Variants in NEGR1 observed in about 807,000 individuals in gnomAD.
NEGR1 encodes the protein IgLON family member 4.
A neutral mutation model predicts 40.9 loss-of-function variants in NEGR1; 10 were observed. That is an observed-to-expected ratio of 0.24 (90% confidence interval 0.15 to 0.42). The LOEUF is 0.42. Ranked by LOEUF, NEGR1 falls within the 10% of genes least tolerant of loss-of-function variation. NEGR1 has a pLI of 1.00. For missense variants in NEGR1, 352 were observed against 438.9 expected, an observed-to-expected ratio of 0.80 and a Z score of 1.77; for synonymous variants, 185 against 166.8, an observed-to-expected ratio of 1.11 and a Z score of -0.84.
At chr1:71,768,823 T>C (rs576557718) in intron 3 of NEGR1, among the ~76,000 whole-genome samples, 1 of 152,278 alleles carries the variant, frequency 6.6e-6, no homozygotes, top group South Asian at 2.1e-4. Flanking sequence ...TGATTTTTCA[T>C]AAATGGTTTA....
chr1:71,774,335 T>C (rs568292782), intron 3 of NEGR1, among the ~76,000 whole-genome samples: 47 of 152,316 alleles, frequency 3.1e-4, no homozygotes, highest in African/African-American at 1.1e-3. Flanking sequence ...TGCTCACATA[T>C]CAGTTTTATG....
At chr1:71,938,504 C>T (rs1438978425) in intron 1 of NEGR1, among the ~76,000 whole-genome samples, 1 of 147,124 alleles carries the variant, frequency 6.8e-6, no homozygotes, top group Admixed American at 6.9e-5. Context: ...TCTCCATCTA[C>T]ATTCTATTTT....
chr1:71,850,799 A>G (rs1570430596), intron 2 of NEGR1, among the ~76,000 whole-genome samples: 1 of 152,122 alleles, frequency 6.6e-6, no homozygotes, highest in East Asian at 1.9e-4. Flanking sequence ...ATTTTAAGGT[A>G]CCATTATCTA....
At chr1:71,656,161 A>G (rs995037029) in intron 4 of NEGR1, among the ~76,000 whole-genome samples, 2 of 152,122 alleles carry the variant, frequency 1.3e-5, no homozygotes, top group Non-Finnish European at 2.9e-5. Flanking sequence ...CCCACTTCCC[A>G]ATCTGCACTG....
chr1:72,246,732 T>A (rs1012675530), intron 1 of NEGR1, among the ~76,000 whole-genome samples: 4 of 152,206 alleles, frequency 2.6e-5, no homozygotes, highest in Non-Finnish European at 4.4e-5. Context: ...CACTAGGTAG[T>A]GGCCCACTGG....
chr1:71,978,628 G>C (rs113040025), intron 1 of NEGR1, among the ~76,000 whole-genome samples: 17,960 of 152,062 alleles, frequency 0.12, 1,101 homozygotes, highest in South Asian at 0.18. Context: ...CTGATCGTTA[G>C]AGAAATGCAA....
At chr1:72,209,917 C>A (rs1020815238) in intron 1 of NEGR1, among the ~76,000 whole-genome samples, 1 of 151,802 alleles carries the variant, frequency 6.6e-6, no homozygotes, top group Admixed American at 6.6e-5. Context: ...ACTATTATTT[C>A]AGGATATTTT....
intron 4 of NEGR1, among the ~76,000 whole-genome samples, chr1:71,675,126 T>TAC (rs1553157759): frequency 3.9e-5 from 3 of 77,820 alleles, no homozygotes; most frequent in African/African-American, 8.2e-5. Context: ...TATATATATA[T>TAC]ACACACACAC....
chr1:72,206,319 A>C (rs1247134151), intron 1 of NEGR1, among the ~76,000 whole-genome samples: 1 of 152,076 alleles, frequency 6.6e-6, no homozygotes, highest in African/African-American at 2.4e-5. Context: ...GTGAGAAGAA[A>C]ACACAAATAA....
intron 2 of NEGR1, among the ~76,000 whole-genome samples, chr1:71,860,200 A>T (rs981644945): frequency 2.2e-4 from 11 of 49,150 alleles, no homozygotes; most frequent in African/African-American, 1.0e-3. Flanking sequence ...TCATCATTTA[A>T]AAAAAAAAAA....
At chr1:72,108,573 G>A (rs1255253155) in intron 1 of NEGR1, among the ~76,000 whole-genome samples, 1 of 151,346 alleles carries the variant, frequency 6.6e-6, no homozygotes, top group Non-Finnish European at 1.5e-5. Flanking sequence ...TCATTGCAAT[G>A]GCATATGACT....
chr1:72,182,325 C>T (rs1280815749), intron 1 of NEGR1, among the ~76,000 whole-genome samples: 1 of 152,056 alleles, frequency 6.6e-6, no homozygotes, highest in African/African-American at 2.4e-5. Context: ...GAAACCCTGT[C>T]TCTACTGAAA....
intron 1 of NEGR1, among the ~76,000 whole-genome samples, chr1:72,221,774 T>A (rs1156594562): frequency 1.4e-5 from 2 of 145,556 alleles, no homozygotes; most frequent in African/African-American, 2.6e-5. Context: ...CTATAAATAG[T>A]TTTCTAAAGC....
chr1:71,868,430 T>TA (rs200491553), intron 2 of NEGR1, among the ~76,000 whole-genome samples: 4,996 of 136,440 alleles, frequency 0.037, 168 homozygotes, highest in African/African-American at 0.09. Flanking sequence ...AATAGATAGA[T>TA]GATAGAAGAT....
At chr1:71,733,473 C>T (rs941034035) in intron 3 of NEGR1, among the ~76,000 whole-genome samples, 9 of 152,186 alleles carry the variant, frequency 5.9e-5, no homozygotes, top group Non-Finnish European at 8.8e-5. Context: ...CAAATATTCT[C>T]TTATTTGCCA....
intron 1 of NEGR1, among the ~76,000 whole-genome samples, chr1:72,066,707 G>A (rs969629195): frequency 2.0e-5 from 3 of 152,068 alleles, no homozygotes; most frequent in Non-Finnish European, 4.4e-5. Context: ...CTAGGAAGAG[G>A]CCTCCGGAGA....
intron 6 of NEGR1, among the ~76,000 whole-genome samples, chr1:71,552,274 A>T (rs1648109397): frequency 6.6e-6 from 1 of 150,638 alleles, no homozygotes; most frequent in Admixed American, 6.6e-5. Flanking sequence ...TCCTTTAGTA[A>T]TTTTTCATCC....
chr1:72,138,378 G>A (rs976402147), intron 1 of NEGR1, among the ~76,000 whole-genome samples: 1 of 151,950 alleles, frequency 6.6e-6, no homozygotes, highest in Non-Finnish European at 1.5e-5. Context: ...AATTATATGA[G>A]TAATCACACT....
At chr1:72,033,119 AG>A (rs1183246295) in intron 1 of NEGR1, among the ~76,000 whole-genome samples, 10 of 152,214 alleles carry the variant, frequency 6.6e-5, no homozygotes, top group Admixed American at 1.3e-4. Flanking sequence ...TATAATAGCA[AG>A]AACACTTCTA....
Sources: gnomAD v4.1 joint callset for allele counts (sites outside exome capture counted in the v4.1 genomes callset) on GRCh38, gnomAD v4.1.1 for gene constraint, MANE v1.5 for transcripts, NCBI Gene and HGNC (gene_info 2026-07-23, HGNC 2026-07-21) for gene names.